The following KLHL15 variants were observed in gnomAD, a reference collection of about 807,000 sequenced individuals.
KLHL15 encodes kelch like family member 15, also known as kelch-like protein 15.
Under a neutral mutation model 29.3 loss-of-function variants are expected in KLHL15, and 1 was observed. The ratio of observed to expected loss-of-function variants is 0.03; its 90% CI spans 0.01 to 0.16. The LOEUF (loss-of-function observed/expected upper bound fraction) is 0.16. Among genes scored for constraint, KLHL15 ranks in the 10% least tolerant of loss-of-function variants. The pLI is 1.00. For missense variants in KLHL15, 215 were observed against 478.5 expected (o/e 0.45, Z 5.14); for synonymous variants, 212 against 184.5 (o/e 1.15, Z -1.21).
At chrX:24,005,470 G>A (rs910273602) in intron 3 of KLHL15, among the ~76,000 whole-genome samples, 12 of 111,647 alleles carry the variant, frequency 1.1e-4, no homozygotes, top group African/African-American at 3.9e-4. Context: ...TAAGAGCAGG[G>A]AAGAAAATCA....
intron 3 of KLHL15, among the ~76,000 whole-genome samples, chrX:23,999,191 G>GA (rs1436175949): frequency 1.8e-5 from 2 of 111,302 alleles, no homozygotes; most frequent in Admixed American, 1.9e-4. Context: ...TTACAGGCGT[G>GA]AGCCACTGCG....
intron 2 of KLHL15, among the ~76,000 whole-genome samples, chrX:24,010,902 T>C (rs1929559610): frequency 9.0e-6 from 1 of 110,950 alleles, no homozygotes. Context: ...AGCCCTTGTG[T>C]GTGCCAGGTA....
chrX:23,995,797 T>C (rs1208694386), intron 3 of KLHL15, among the ~76,000 whole-genome samples: 1 of 110,948 alleles, frequency 9.0e-6, no homozygotes, highest in Non-Finnish European at 1.9e-5. Flanking sequence ...TTGCCCAAGC[T>C]GGAGTACAAT....
At chrX:23,991,080 C>A (rs149771973) in intron 3 of KLHL15, among the ~76,000 whole-genome samples, 1 of 110,045 alleles carries the variant, frequency 9.1e-6, no homozygotes, top group South Asian at 3.9e-4. Context: ...TGGCCAGGCA[C>A]GGTGGCTCAT....
At chrX:23,990,839 C>T (rs1366492360) in intron 3 of KLHL15, among the ~76,000 whole-genome samples, 1 of 110,280 alleles carries the variant, frequency 9.1e-6, no homozygotes. Context: ...TTCACTAATT[C>T]CTTGCCTTAG....
At chrX:24,003,310 C>CA (rs1929369066) in intron 3 of KLHL15, among the ~76,000 whole-genome samples, 1 of 109,980 alleles carries the variant, frequency 9.1e-6, no homozygotes, top group East Asian at 2.9e-4. Flanking sequence ...TTTTGGGAGG[C>CA]CGAGGCAGGC....
chrX:24,006,738 C>A, intron 2 of KLHL15, 38 bp from the exon 3 acceptor site: 1 of 988,383 alleles, frequency 1.0e-6, no homozygotes, highest in Non-Finnish European at 1.4e-6. Context: ...TAAACACTTC[C>A]ATGCATTCAG....
At chrX:24,005,127 C>A (rs1929420326) in intron 3 of KLHL15, among the ~76,000 whole-genome samples, 1 of 111,645 alleles carries the variant, frequency 9.0e-6, no homozygotes, top group Non-Finnish European at 1.9e-5. Flanking sequence ...GTAAACAGAG[C>A]CCCAGAGGTA....
In KLHL15 at chrX:23,988,059, G is replaced by A. The variant is rs1929017211; in HGVS notation, c.1677C>T (p.Ser559=). 4.1e-6 allele frequency: 5 copies of A among 1,211,269 alleles called. No homozygotes were observed. The East Asian group carries it at 1.5e-4, about 36-fold the overall frequency. The part of the protein sequence containing the change: ...GLCYNGHYSD[S]ILTFDPDENK... ...TTTCATCCGGATCAAAAGTGAGGAT[G>A]GAATCGCTGTAATGACCATTATAAC... Residue 559 remains serine, a synonymous_variant, in exon 4 of 4, where the codon TCC becomes TCT. Transcript: ENST00000328046.
intron 3 of KLHL15, among the ~76,000 whole-genome samples, chrX:24,002,338 C>T (rs1179828049): frequency 9.0e-6 from 1 of 111,419 alleles, no homozygotes; most frequent in Non-Finnish European, 1.9e-5. Flanking sequence ...TTAACATGTG[C>T]AAAGACCATC....
intron 3 of KLHL15, among the ~76,000 whole-genome samples, chrX:24,004,026 G>A (rs747086048): frequency 7.8e-4 from 85 of 109,529 alleles, no homozygotes; most frequent in African/African-American, 2.7e-3. Flanking sequence ...GGACTACATA[G>A]ATACTGCAGA....
chrX:23,994,046 C>CAAAAAAA (rs35880434), intron 3 of KLHL15, among the ~76,000 whole-genome samples: 1 of 57,807 alleles, frequency 1.7e-5, no homozygotes, highest in African/African-American at 5.8e-5. Flanking sequence ...GACCTTGTCT[C>CAAAAAAA]AAAAAAAAAA....
chrX:23,993,079 C>G (rs1419172793), intron 3 of KLHL15, among the ~76,000 whole-genome samples: 1 of 111,938 alleles, frequency 8.9e-6, no homozygotes, highest in Non-Finnish European at 1.9e-5. Context: ...GCCTTCTAAT[C>G]TGAGGATTAA....
intron 2 of KLHL15, among the ~76,000 whole-genome samples, chrX:24,017,470 T>C (rs1170736766): frequency 9.1e-6 from 1 of 110,140 alleles, no homozygotes; most frequent in Non-Finnish European, 1.9e-5. Flanking sequence ...CCCTAGGGTT[T>C]ATCATAATGC....
chrX:24,002,336 T>C (rs1240494664), intron 3 of KLHL15, among the ~76,000 whole-genome samples: 1 of 111,664 alleles, frequency 9.0e-6, no homozygotes, highest in Non-Finnish European at 1.9e-5. Flanking sequence ...TGTTAACATG[T>C]GCAAAGACCA....
chrX:24,005,843 TTA>T, intron 3 of KLHL15, 144 bp downstream of exon 3: 1 of 464,064 alleles, frequency 2.2e-6, no homozygotes, highest in Non-Finnish European at 3.7e-6. Flanking sequence ...TAAAGTACTC[TTA>T]TGTTATTCAT....
intron 3 of KLHL15, among the ~76,000 whole-genome samples, chrX:23,995,004 A>G (rs1333778306): frequency 9.0e-6 from 1 of 111,153 alleles, no homozygotes; most frequent in Non-Finnish European, 1.9e-5. Flanking sequence ...CATTTCCTCT[A>G]AACATCTTTT....
In KLHL15 at chrX:24,006,622, C is replaced by T; in HGVS notation, c.72G>A (p.Leu24=). 8.3e-7 allele frequency: 1 copy of T among 1,211,224 alleles called. No individual in the cohort carries two copies. The highest frequency in any genetic ancestry group is 1.1e-6 in the Non-Finnish European group (1 of 895,266). ...CATCAAGAAGCAATCCCTCCTCATA[C>T]AGTGCTCTGAACCCAGCAGAGACAC... ...DTSVSAGFRA[L]YEEGLLLDVT... The change falls in exon 3 of 4, where the codon CTG becomes CTA. Residue 24 remains leucine (L), a synonymous_variant. Coordinates refer to ENST00000328046, the MANE Select transcript of KLHL15 (RefSeq NM_030624.3).
At chrX:23,989,074 A>T (rs201571784) in intron 3 of KLHL15, 44 bp from the exon 4 acceptor site, 1 of 1,066,551 alleles carries the variant, frequency 9.4e-7, no homozygotes, top group Non-Finnish European at 1.3e-6. Context: ...AAAAAGCATC[A>T]GCTGCAAACA....
Sources: allele counts gnomAD v4.1 joint callset (sites outside exome capture counted in the v4.1 genomes callset), GRCh38; gene constraint gnomAD v4.1.1; transcripts MANE v1.5; gene names NCBI Gene and HGNC (gene_info 2026-07-23, HGNC 2026-07-21).